TEX101: variants seen among roughly 807,000 people sequenced by gnomAD.
TEX101 encodes testis-expressed protein 101.
Under a neutral mutation model 18.1 loss-of-function variants are expected in TEX101, and 10 were observed. The ratio of observed to expected loss-of-function variants is 0.55; its 90% CI spans 0.34 to 0.94. The LOEUF (loss-of-function observed/expected upper bound fraction) is 0.94, where lower values mean the gene tolerates loss of function less well. Ranked by LOEUF, TEX101 falls within the 40% of genes least tolerant of loss-of-function variation. The pLI is 0.02. For missense variants in TEX101, 259 were observed against 298.9 expected, an observed-to-expected ratio of 0.87 and a Z score of 0.98; for synonymous variants, 94 against 114.8, an observed-to-expected ratio of 0.82 and a Z score of 1.16.
the TEX101 span, among the ~76,000 whole-genome samples, chr19:43,393,773 G>C: frequency 1.7e-4 from 25 of 151,164 alleles, no homozygotes; most frequent in East Asian, 2.0e-4. Context: ...ACTTTCCAGA[G>C]AGGAAGCTCT....
chr19:43,412,042 C>T (rs1456035220), upstream of TEX101, among the ~76,000 whole-genome samples: 3 of 152,204 alleles, frequency 2.0e-5, no homozygotes, highest in African/African-American at 2.4e-5. Flanking sequence ...GTCAATCTCT[C>T]TTGCACCAAA....
At chr19:43,390,874 G>A in the TEX101 span, among the ~76,000 whole-genome samples, 1 of 150,682 alleles carries the variant, frequency 6.6e-6, no homozygotes, top group African/African-American at 2.5e-5. Context: ...TTCCCCAACT[G>A]GAATTCTTTA....
intron 1 of TEX101, 33 bp from the exon 2 acceptor site, chr19:43,415,848 A>AAGTT: frequency 6.3e-7 from 1 of 1,597,168 alleles, no homozygotes; most frequent in Admixed American, 1.7e-5. Context: ...TCTGGCTGAA[A>AAGTT]AGTTAATTGC....
upstream of TEX101, among the ~76,000 whole-genome samples, chr19:43,412,629 G>A (rs1028227192): frequency 2.0e-5 from 3 of 152,092 alleles, no homozygotes; most frequent in African/African-American, 7.2e-5. Context: ...GCTTTCCCAA[G>A]CACGAGCCCT....
intron 3 of TEX101, among the ~76,000 whole-genome samples, chr19:43,409,056 G>A (rs1336133158): frequency 6.6e-6 from 1 of 152,182 alleles, no homozygotes; most frequent in Non-Finnish European, 1.5e-5. Flanking sequence ...CTTCAGACAC[G>A]TTAAATTTAA....
In TEX101 at chr19:43,416,521, C is replaced by G. The variant is rs766848875; in HGVS notation, c.357C>G (p.Ser119Arg). ...CEDSFCNDKD[S>R]LSQFWEFSET... ...ATTCCTTCTGTAATGACAAAGACAG[C>G]CTGTCTCAGTTTTGGGAGTTCAGTG... Residue 119 changes from serine (S) to arginine (R), a missense_variant, in exon 4 of 6, where the codon AGC becomes AGG. Transcript: ENST00000598265. 3.1e-6 allele frequency: 5 copies of G among 1,613,882 alleles called. No homozygotes were observed. Among genetic ancestry groups the G allele is most frequent in the Non-Finnish European group, 4.2e-6 (5 of 1,179,948 alleles).
chr19:43,417,669 T>C (rs1345801956), intron 4 of TEX101, among the ~76,000 whole-genome samples: 1 of 152,252 alleles, frequency 6.6e-6, no homozygotes, highest in Non-Finnish European at 1.5e-5. Context: ...TTTTCATCTC[T>C]GTATCTTCAC....
At chr19:43,394,531 C>G in the TEX101 span, among the ~76,000 whole-genome samples, 3 of 150,878 alleles carry the variant, frequency 2.0e-5, no homozygotes, top group Non-Finnish European at 4.4e-5. Flanking sequence ...AGTACAATGG[C>G]GTAATCTTGG....
chr19:43,403,905 G>A (rs1227884079), intron 2 of TEX101, among the ~76,000 whole-genome samples: 1 of 151,984 alleles, frequency 6.6e-6, no homozygotes, highest in East Asian at 1.9e-4. Flanking sequence ...CGGGCATGGT[G>A]GCGGGCACCT....
chr19:43,418,545 C>A lies in TEX101; in HGVS notation c.*148C>A, dbSNP rs1195084179. 6 of 674,060 alleles carry A rather than the reference C, an allele frequency of 8.9e-6. No homozygotes were observed. In the East Asian group the frequency reaches 1.6e-4, roughly 18 times the overall value. 41.8% of individuals were successfully genotyped at this position (674,060 alleles called of 1,614,324 possible). A position where few individuals can be genotyped will look rare whatever the true frequency, so the allele number is the denominator to read the frequency against. Reference sequence around the variant, plus strand: ...GTATTTGACATTTTTAATACAATTTCTGCTATAATTTTTGTATGCAGTAGG... The same window carrying A: ...GTATTTGACATTTTTAATACAATTTATGCTATAATTTTTGTATGCAGTAGG... On this transcript the variant is annotated 3_prime_UTR_variant, in exon 6 of 6. Coordinates refer to ENST00000598265, the MANE Select transcript of TEX101 (RefSeq NM_001130011.3).
the TEX101 span, among the ~76,000 whole-genome samples, chr19:43,391,676 T>G: frequency 1.3e-5 from 2 of 152,208 alleles, no homozygotes; most frequent in Non-Finnish European, 2.9e-5. Flanking sequence ...TACCTCATTC[T>G]TTGCCACAGC....
chr19:43,393,024 C>T, the TEX101 span, among the ~76,000 whole-genome samples: 112 of 144,708 alleles, frequency 7.7e-4, no homozygotes, highest in African/African-American at 3.0e-3. Flanking sequence ...TGCCACTGCA[C>T]TCCAGCCTGG....
At chr19:43,417,380 C>T (rs1970491731) in intron 4 of TEX101, among the ~76,000 whole-genome samples, 1 of 152,220 alleles carries the variant, frequency 6.6e-6, no homozygotes, top group Non-Finnish European at 1.5e-5. Context: ...TGCAACTTCT[C>T]ACAATTCCCT....
the TEX101 span, among the ~76,000 whole-genome samples, chr19:43,392,598 G>A: frequency 1.3e-5 from 2 of 152,014 alleles, no homozygotes; most frequent in Admixed American, 1.3e-4. Context: ...GAGACACCAC[G>A]ATAGTCAAGC....
chr19:43,397,329 G>C (rs1264692336), upstream of TEX101, among the ~76,000 whole-genome samples: 1 of 152,068 alleles, frequency 6.6e-6, no homozygotes, highest in African/African-American at 2.4e-5. Context: ...TGCACTTGCT[G>C]TCCTGTGCCT....
rs377389343 is a variant in TEX101, at chr19:43,416,468, G to C, written c.304G>C (p.Val102Leu). 1.2e-6 allele frequency: 2 copies of C among 1,614,156 alleles called. No individual in the cohort carries two copies. Among genetic ancestry groups the C allele is most frequent in the Non-Finnish European group, 1.7e-6 (2 of 1,180,012 alleles). The change falls in exon 4 of 6, where the codon GTG (valine) becomes CTG (leucine). Residue 102 changes from valine (V) to leucine (L), a missense_variant. Coordinates refer to ENST00000598265, the MANE Select transcript of TEX101 (RefSeq NM_001130011.3). ...VQHSSPPGLI[V>L]TSYSNYCEDS... ...GCACTCTTCACCTCCCGGCCTGATC[G>C]TGACCTCCTACAGTAACTACTGTGA...
At chr19:43,391,956 ACTGAGGGGAAG>A in the TEX101 span, among the ~76,000 whole-genome samples, 15 of 152,218 alleles carry the variant, frequency 9.9e-5, no homozygotes, top group African/African-American at 3.6e-4. Context: ...TATGGAAAGC[ACTGAGGGGAAG>A]CCCCACTAAG....
chr19:43,409,268 T>C (rs117001223), intron 3 of TEX101, among the ~76,000 whole-genome samples: 1 of 152,316 alleles, frequency 6.6e-6, no homozygotes, highest in Non-Finnish European at 1.5e-5. Flanking sequence ...TGAACCAGGT[T>C]TGAACAGTTA....
chr19:43,412,845 C>T (rs537928966), upstream of TEX101, among the ~76,000 whole-genome samples: 7 of 152,198 alleles, frequency 4.6e-5, no homozygotes, highest in East Asian at 3.9e-4. Context: ...GTATACAAAG[C>T]GTTGCCTTAC....
Sources: gnomAD v4.1 joint callset for allele counts (sites outside exome capture counted in the v4.1 genomes callset) on GRCh38, gnomAD v4.1.1 for gene constraint, MANE v1.5 for transcripts, NCBI Gene and HGNC (gene_info 2026-07-23, HGNC 2026-07-21) for gene names.